Variants in RFX7 observed in about 807,000 individuals in gnomAD.
RFX7 encodes the protein DNA-binding protein RFX7.
RFX7 carries 26 observed loss-of-function variants against 111.8 expected under a neutral mutation model. The observed-to-expected ratio is 0.23, with a 90% CI of 0.17 to 0.32. The LOEUF (loss-of-function observed/expected upper bound fraction) is 0.32, where lower values mean the gene tolerates loss of function less well. Among genes scored for constraint, RFX7 ranks in the 10% least tolerant of loss-of-function variants. The probability of loss-of-function intolerance (pLI) is 1.00; values close to 1 mark genes in which losing one functional copy is unlikely to be tolerated. For synonymous variants in RFX7, 624 were observed against 624.4 expected (o/e 1.00, Z 0.01); for missense variants, 1,573 against 1,772.9 (o/e 0.89, Z 2.02).
At chr15:56,233,169 G>A (rs1304718030) in intron 2 of RFX7, among the ~76,000 whole-genome samples, 1 of 152,186 alleles carries the variant, frequency 6.6e-6, no homozygotes, top group East Asian at 1.9e-4. Flanking sequence ...AGGTTTAATG[G>A]ACTCACAGTT....
chr15:56,098,177 T>G lies in RFX7; in HGVS notation c.1011A>C (p.Thr337=). 1 of 1,613,946 alleles carries G rather than the reference T, an allele frequency of 6.2e-7. No individual in the cohort carries two copies. The highest frequency in any genetic ancestry group is 8.5e-7 in the Non-Finnish European group (1 of 1,179,834). The stretch of plus-strand genomic sequence containing the variant: ...TAGGAAGATTAGTCACTCCATTGCT[T>G]GTAGCACTTTCTGACTTTTTTGCTG... ...ESAAKKSESA[T]SNGVTNLPNG... The change falls in exon 9 of 10, where the codon ACA becomes ACC. Residue 337 remains threonine, a synonymous_variant. Coordinates refer to ENST00000559447, the MANE Select transcript of RFX7 (RefSeq NM_022841.7).
At chr15:56,133,561 G>C (rs768505204) in intron 5 of RFX7, among the ~76,000 whole-genome samples, 1 of 151,938 alleles carries the variant, frequency 6.6e-6, no homozygotes, top group Non-Finnish European at 1.5e-5. Flanking sequence ...GTTTTTGTTC[G>C]GGAAATTTCA....
intron 5 of RFX7, among the ~76,000 whole-genome samples, chr15:56,137,786 A>C (rs1207930672): frequency 1.3e-5 from 2 of 152,034 alleles, no homozygotes; most frequent in African/African-American, 4.8e-5. Context: ...ACTGCTTTGA[A>C]TGCGTCCCAG....
chr15:56,217,849 A>G (rs1183384075), intron 2 of RFX7, among the ~76,000 whole-genome samples: 2 of 152,192 alleles, frequency 1.3e-5, no homozygotes, highest in African/African-American at 4.8e-5. Context: ...CACTCAATCG[A>G]GCCAATCTGT....
intron 5 of RFX7, among the ~76,000 whole-genome samples, chr15:56,136,766 C>G (rs1316095284): frequency 2.1e-5 from 3 of 140,624 alleles, no homozygotes; most frequent in Non-Finnish European, 4.6e-5. Context: ...TCATAGATAG[C>G]TCTTATTATT....
At chr15:56,242,508 C>A (rs940564707) in intron 2 of RFX7, among the ~76,000 whole-genome samples, 9 of 152,096 alleles carry the variant, frequency 5.9e-5, no homozygotes, top group African/African-American at 1.7e-4. Flanking sequence ...TAAAAAAAAA[C>A]CACTTTGTTG....
At chr15:56,178,990 T>C (rs1405890771) in intron 3 of RFX7, 14 of 159,866 alleles carry the variant, frequency 8.8e-5, no homozygotes, top group African/African-American at 3.1e-4. Context: ...AAAATAAATA[T>C]CCAATTTAAT....
chr15:56,220,048 G>A (rs1432635690), intron 2 of RFX7, among the ~76,000 whole-genome samples: 5 of 151,910 alleles, frequency 3.3e-5, no homozygotes, highest in African/African-American at 1.2e-4. Flanking sequence ...TCCCTGACCA[G>A]GAAGCATAAC....
At chr15:56,148,907 C>A (rs933326441) in intron 3 of RFX7, among the ~76,000 whole-genome samples, 1 of 151,988 alleles carries the variant, frequency 6.6e-6, no homozygotes, top group Non-Finnish European at 1.5e-5. Flanking sequence ...CGGTGAAACC[C>A]CATCTCTACT....
intron 3 of RFX7, among the ~76,000 whole-genome samples, chr15:56,146,743 A>G (rs1035500187): frequency 2.6e-5 from 4 of 152,210 alleles, no homozygotes; most frequent in African/African-American, 9.6e-5. Context: ...TTTTAAAACA[A>G]TGAAAACTTG....
At chr15:56,237,944 C>T (rs542594842) in intron 2 of RFX7, among the ~76,000 whole-genome samples, 6 of 152,146 alleles carry the variant, frequency 3.9e-5, no homozygotes, top group Non-Finnish European at 8.8e-5. Context: ...AGGCTAAACT[C>T]AGGGTAGGTA....
intron 2 of RFX7, among the ~76,000 whole-genome samples, chr15:56,202,018 G>T (rs1284506829): frequency 2.0e-5 from 3 of 151,992 alleles, no homozygotes; most frequent in African/African-American, 4.8e-5. Context: ...GCGACAGAGC[G>T]AGACTCTGTC....
chr15:56,192,095 C>A (rs2141164645), intron 2 of RFX7, among the ~76,000 whole-genome samples: 1 of 152,130 alleles, frequency 6.6e-6, no homozygotes, highest in Admixed American at 6.5e-5. Flanking sequence ...TCCAAAGCAC[C>A]AACAGTATAA....
At chr15:56,186,395 G>A (rs541287412) in intron 2 of RFX7, among the ~76,000 whole-genome samples, 4 of 152,140 alleles carry the variant, frequency 2.6e-5, no homozygotes, top group African/African-American at 4.8e-5. Flanking sequence ...TCCTGCTTAC[G>A]ACCTTTCTTA....
rs535999579 is a variant in RFX7 at position 56,220,624 on chromosome 15, T to G, written c.161+22501A>C. 9.9e-5 allele frequency among the ~76,000 whole-genome samples: 15 copies of G among 152,284 alleles called. No homozygotes were observed. In the South Asian group the frequency reaches 3.1e-3, roughly 32 times the overall value. On this transcript the variant is annotated intron_variant, in intron 2 of 9. Coordinates refer to ENST00000559447, the MANE Select transcript of RFX7 (RefSeq NM_022841.7). ...ATAGTTTGCAAATATTTTCTCCCAT[T>G]CTATAGTTTGTCTGTTTACTCTGTT...
intron 5 of RFX7, among the ~76,000 whole-genome samples, chr15:56,118,501 A>C (rs546139291): frequency 6.6e-6 from 1 of 152,330 alleles, no homozygotes; most frequent in East Asian, 1.9e-4. Flanking sequence ...AGTTCCATCC[A>C]TGTGATTGCA....
intron 5 of RFX7, among the ~76,000 whole-genome samples, chr15:56,105,295 T>G (rs1055270952): frequency 6.6e-6 from 1 of 152,184 alleles, no homozygotes; most frequent in Non-Finnish European, 1.5e-5. Flanking sequence ...TTTGCATGAG[T>G]TACAATTACA....
At chr15:56,200,252 C>A (rs1248689969) in intron 2 of RFX7, among the ~76,000 whole-genome samples, 1 of 152,154 alleles carries the variant, frequency 6.6e-6, no homozygotes, top group African/African-American at 2.4e-5. Flanking sequence ...GAGATAGCTA[C>A]ATGCACAGCG....
Position 56,156,415 on chromosome 15 carries a change from A to G in RFX7, c.196-11932T>C, listed in dbSNP as rs550375457. On this transcript the variant is annotated intron_variant, in intron 3 of 9. Coordinates refer to ENST00000559447, the MANE Select transcript of RFX7 (RefSeq NM_022841.7). ...TTGCTTCTGATCTTGGACTTAATCT[A>G]TTTAACAGCATATAGAAATAGTATT... Among the ~76,000 whole-genome samples, 10 of 152,238 alleles carry G rather than the reference A, an allele frequency of 6.6e-5. 1 individual carries two copies. The South Asian group carries it at 1.9e-3, about 28-fold the overall frequency.
Sources: allele counts gnomAD v4.1 joint callset (sites outside exome capture counted in the v4.1 genomes callset), GRCh38; gene constraint gnomAD v4.1.1; transcripts MANE v1.5; gene names NCBI Gene and HGNC (gene_info 2026-07-23, HGNC 2026-07-21).